The following MTAP variants were observed in gnomAD, a reference collection of about 807,000 sequenced individuals.
MTAP encodes methylthioadenosine phosphorylase, also known as S-methyl-5'-thioadenosine phosphorylase.
A neutral mutation model predicts 33.6 loss-of-function variants in MTAP; 33 were observed. The observed-to-expected ratio is 0.98, with a 90% CI of 0.74 to 1.31. The LOEUF (loss-of-function observed/expected upper bound fraction) is 1.31, where lower values mean the gene tolerates loss of function less well. MTAP is among the 40% of genes most tolerant of loss of function. The pLI, the probability that MTAP is intolerant of heterozygous loss-of-function variation, is 0.00. For synonymous variants in MTAP, 148 were observed against 125.7 expected (o/e 1.18, Z -1.19); for missense variants, 367 against 360.0 (o/e 1.02, Z -0.16).
chr9:21,937,689 AC>A (rs1587310571), downstream of MTAP: 1 of 152,154 alleles, frequency 6.6e-6, no homozygotes, highest in East Asian at 1.9e-4. Flanking sequence ...CTTCACAGTG[AC>A]TTTTGATATA....
rs559853246 is a variant in MTAP, at chr9:21,828,440, G to A, written c.348-9468G>A. Among the ~76,000 whole-genome samples, 6 of 152,264 alleles carry A rather than the reference G, an allele frequency of 3.9e-5. No individual in the cohort carries two copies. In the East Asian group the frequency reaches 1.2e-3, roughly 29 times the overall value. Reference sequence around the variant, plus strand: ...TGTAATCCCAACATTTTGGGAGGCTGAGGCAGGCAGATCACCTGAGGTCAG... The same window carrying A: ...TGTAATCCCAACATTTTGGGAGGCTAAGGCAGGCAGATCACCTGAGGTCAG... On this transcript the variant is annotated intron_variant, in intron 4 of 7. Transcript: ENST00000644715.
chr9:21,857,826 G>A lies in MTAP; in HGVS notation c.691-1477G>A, dbSNP rs1212960719. On this transcript the variant is annotated intron_variant, in intron 6 of 7. Coordinates refer to ENST00000644715, the MANE Select transcript of MTAP (RefSeq NM_002451.4). The stretch of plus-strand genomic sequence containing the variant: ...TTAAATGCCTTAAATTATTCTTTTG[G>A]TTGCAAGCTTTTTATGAAGGAACCA... Among the ~76,000 whole-genome samples the A allele has an allele frequency of 2.0e-5, 3 of 152,002 alleles. No homozygotes were observed. The East Asian group carries it at 5.8e-4, about 29-fold the overall frequency.
chr9:21,891,250 A>G (rs1011157212), intron 1 of MTAP, among the ~76,000 whole-genome samples: 2 of 152,138 alleles, frequency 1.3e-5, no homozygotes, highest in African/African-American at 4.8e-5. Context: ...TTACCTCAAA[A>G]TGACCACACT....
At chr9:21,879,253 T>TA (rs1295862694) in intron 1 of MTAP, among the ~76,000 whole-genome samples, 2 of 152,192 alleles carry the variant, frequency 1.3e-5, no homozygotes, top group Non-Finnish European at 2.9e-5. Flanking sequence ...GGTGCATATA[T>TA]ATTTAGTATA....
intron 1 of MTAP, among the ~76,000 whole-genome samples, chr9:21,917,806 C>G (rs1818715045): frequency 6.6e-6 from 1 of 152,132 alleles, no homozygotes; most frequent in Non-Finnish European, 1.5e-5. Context: ...TATAGCAGCA[C>G]AATTAGCAAA....
intron 1 of MTAP, 79 bp downstream of exon 1, chr9:21,802,860 G>A: frequency 1.3e-6 from 2 of 1,577,320 alleles, no homozygotes; most frequent in Non-Finnish European, 1.7e-6. Flanking sequence ...CCGCGCCTCC[G>A]GGGGCCATGC....
At chr9:21,858,383 G>C (rs1459969180) in intron 6 of MTAP, among the ~76,000 whole-genome samples, 1 of 152,176 alleles carries the variant, frequency 6.6e-6, no homozygotes, top group Non-Finnish European at 1.5e-5. Flanking sequence ...AAAGAAAAGA[G>C]GTTTAATTGG....
At chr9:21,829,335 A>C (rs1824907587) in intron 4 of MTAP, among the ~76,000 whole-genome samples, 1 of 152,280 alleles carries the variant, frequency 6.6e-6, no homozygotes, top group South Asian at 2.1e-4. Flanking sequence ...GCCCTGTGCA[A>C]ATCACTTTAC....
chr9:21,921,451 C>A (rs1818786227), intron 1 of MTAP, among the ~76,000 whole-genome samples: 1 of 151,862 alleles, frequency 6.6e-6, no homozygotes, highest in South Asian at 2.1e-4. Flanking sequence ...GTTTTGTTCT[C>A]TTTTCTAGCT....
In MTAP at chr9:21,910,472, T is replaced by G. The variant is rs1818553924; in HGVS notation, c.148-20536T>G. On this transcript the variant is annotated intron_variant, in intron 1 of 1. Transcript: ENST00000577563. ...CATATGATGATGAGAGAATTTGTCT[T>G]TGAGGAAGATTCCAGCTAGAGAAGA... Among the ~76,000 whole-genome samples, 3 of 152,104 alleles carry G rather than the reference T, an allele frequency of 2.0e-5. No individual in the cohort carries two copies. The South Asian group carries it at 6.2e-4, about 32-fold the overall frequency.
chr9:21,830,613 G>GCT (rs141676761), intron 4 of MTAP, among the ~76,000 whole-genome samples: 31 of 152,258 alleles, frequency 2.0e-4, no homozygotes, highest in African/African-American at 7.5e-4. Context: ...ACATTAAAAG[G>GCT]CTCTCATAAG....
chr9:21,838,390 G>T (rs1357588164), intron 5 of MTAP, among the ~76,000 whole-genome samples: 2 of 152,200 alleles, frequency 1.3e-5, no homozygotes, highest in African/African-American at 4.8e-5. Flanking sequence ...TTTGACATAT[G>T]TGGGTTTCAG....
At chr9:21,853,703 C>G (rs1440911123) in intron 5 of MTAP, among the ~76,000 whole-genome samples, 1 of 152,176 alleles carries the variant, frequency 6.6e-6, no homozygotes, top group African/African-American at 2.4e-5. Context: ...ACAGTGTTTA[C>G]AGCGCACCTG....
intron 1 of MTAP, among the ~76,000 whole-genome samples, chr9:21,895,695 C>G (rs1055350606): frequency 6.6e-6 from 1 of 152,234 alleles, no homozygotes; most frequent in Non-Finnish European, 1.5e-5. Context: ...CCCACACCCA[C>G]AGAGCCTCGC....
chr9:21,936,955 TAAAATC>T (rs944425908), exon 8 of MTAP: 7 of 152,082 alleles, frequency 4.6e-5, no homozygotes, highest in African/African-American at 1.7e-4. Flanking sequence ...GAATGAAAGA[TAAAATC>T]TAAATGGATA....
At chr9:21,824,709 C>T (rs1272104325) in intron 4 of MTAP, among the ~76,000 whole-genome samples, 3 of 152,222 alleles carry the variant, frequency 2.0e-5, no homozygotes, top group Non-Finnish European at 4.4e-5. Flanking sequence ...TTGGAGTCTA[C>T]AGAGGCAGGC....
intron 1 of MTAP, among the ~76,000 whole-genome samples, chr9:21,873,825 A>G (rs570978607): frequency 6.6e-6 from 1 of 152,190 alleles, no homozygotes; most frequent in Admixed American, 6.6e-5. Flanking sequence ...AAGTATAAAT[A>G]TCAACATGAA....
chr9:21,913,181 T>C (rs1395472551), intron 1 of MTAP, among the ~76,000 whole-genome samples: 1 of 152,112 alleles, frequency 6.6e-6, no homozygotes, highest in Non-Finnish European at 1.5e-5. Flanking sequence ...GAAGAATCAA[T>C]ATCGTGAAAA....
rs369458828 is a variant in MTAP at position 21,817,530 on chromosome 9, G to A, written c.180-505G>A. Among the ~76,000 whole-genome samples the A allele has an allele frequency of 4.6e-5, 7 of 152,148 alleles. No individual in the cohort carries two copies. In the East Asian group the frequency reaches 9.7e-4, roughly 21 times the overall value. The stretch of plus-strand genomic sequence containing the variant: ...GCGGAGGCCTTTGGCTCCTAGAGGT[G>A]GTTCACATTCCCTGCCGTGTGGCCT... On this transcript the variant is annotated intron_variant, in intron 3 of 7. Coordinates refer to ENST00000644715, the MANE Select transcript of MTAP (RefSeq NM_002451.4).
Sources: allele counts gnomAD v4.1 joint callset (sites outside exome capture counted in the v4.1 genomes callset), GRCh38; gene constraint gnomAD v4.1.1; transcripts MANE v1.5; gene names NCBI Gene and HGNC (gene_info 2026-07-23, HGNC 2026-07-21).